SFSWAP: variants seen among roughly 807,000 people sequenced by gnomAD.
The protein encoded by SFSWAP is splicing factor SWAP.
In SFSWAP, 17 loss-of-function variants were observed where a neutral mutation model predicts 100.7. The observed-to-expected ratio is 0.17, with a 90% confidence interval of 0.12 to 0.25. SFSWAP has a LOEUF of 0.25. Ranked by LOEUF, SFSWAP falls within the 10% of genes least tolerant of loss-of-function variation. SFSWAP has a pLI of 1.00. For missense variants in SFSWAP, 1,005 were observed against 1,262.6 expected (o/e 0.80, Z 3.09); for synonymous variants, 504 against 510.1 (o/e 0.99, Z 0.16).
At chr12:131,727,206 G>A (rs190616740) in intron 6 of SFSWAP, among the ~76,000 whole-genome samples, 154 bp downstream of exon 6, 1 of 152,202 alleles carries the variant, frequency 6.6e-6, no homozygotes, top group East Asian at 1.9e-4. Flanking sequence ...TTTTAGCTGG[G>A]TGACAAAGCA....
intron 3 of SFSWAP, among the ~76,000 whole-genome samples, chr12:131,715,232 C>T (rs1468866395): frequency 6.6e-6 from 1 of 152,154 alleles, no homozygotes; most frequent in Non-Finnish European, 1.5e-5. Context: ...AGATTGGTAA[C>T]ATGTTCATTA....
chr12:131,742,212 C>T (rs1880708618), intron 7 of SFSWAP, among the ~76,000 whole-genome samples: 1 of 152,194 alleles, frequency 6.6e-6, no homozygotes, highest in South Asian at 2.1e-4. Context: ...TCAGGATCCC[C>T]ACGGCAGGTC....
At chr12:131,748,483 T>C (rs548160258) in intron 7 of SFSWAP, among the ~76,000 whole-genome samples, 16 of 152,256 alleles carry the variant, frequency 1.1e-4, no homozygotes, top group African/African-American at 3.6e-4. Flanking sequence ...AATATACACA[T>C]TGTTCATCCT....
At chr12:131,791,773 C>G (rs903443120) in intron 15 of SFSWAP, among the ~76,000 whole-genome samples, 1 of 152,226 alleles carries the variant, frequency 6.6e-6, no homozygotes, top group Non-Finnish European at 1.5e-5. Context: ...AAGGGATACT[C>G]TTTTTTAAAA....
intron 8 of SFSWAP, 192 bp downstream of exon 8, chr12:131,753,555 T>C (rs1218111002): frequency 7.2e-5 from 54 of 747,600 alleles, no homozygotes; most frequent in Non-Finnish European, 1.0e-4. Flanking sequence ...GCACAAACTT[T>C]TTAGCATTGA....
chr12:131,797,047 T>C, intron 15 of SFSWAP, 131 bp from the exon 16 acceptor site: 1 of 728,972 alleles, frequency 1.4e-6, no homozygotes, highest in South Asian at 1.7e-5. Flanking sequence ...TTAATGGGTT[T>C]GGAGTGGTTC....
chr12:131,764,209 C>A (rs1234057679), intron 11 of SFSWAP, among the ~76,000 whole-genome samples: 3 of 152,202 alleles, frequency 2.0e-5, no homozygotes, highest in Non-Finnish European at 4.4e-5. Context: ...TGTGCCCTTG[C>A]CATGAAGTCC....
Position 131,769,448 on chromosome 12 carries a change from T to C in SFSWAP, c.2142+3140T>C, listed in dbSNP as rs562393320. The stretch of plus-strand genomic sequence containing the variant: ...ACCAGTTACATTACATGACTATACG[T>C]GTATGTCGTCATAAAATTTCCAGTG... On this transcript the variant is annotated intron_variant, in intron 13 of 17. Transcript: ENST00000261674. Among the ~76,000 whole-genome samples the C allele has an allele frequency of 7.9e-5, 12 of 152,282 alleles. No individual in the cohort carries two copies. The South Asian group carries it at 2.5e-3, about 32-fold the overall frequency.
intron 15 of SFSWAP, 139 bp downstream of exon 15, chr12:131,786,727 C>T: frequency 2.4e-6 from 2 of 849,520 alleles, no homozygotes; most frequent in Non-Finnish European, 3.6e-6. Context: ...CACCCCCCCA[C>T]CCCCAGTGGC....
intron 7 of SFSWAP, among the ~76,000 whole-genome samples, chr12:131,738,882 A>ATTATTTTTTTTTTT (rs1555243205): frequency 5.0e-5 from 2 of 40,218 alleles, no homozygotes; most frequent in East Asian, 9.7e-4. Context: ...AATGAACATT[A>ATTATTTTTTTTTTT]TTCTTTTTTT....
rs1422090612 is a variant in SFSWAP at position 131,749,602 on chromosome 12, T to C, written c.1082-3521T>C. 2.6e-5 allele frequency among the ~76,000 whole-genome samples: 4 copies of C among 152,346 alleles called. No individual in the cohort carries two copies. In the South Asian group the frequency reaches 8.3e-4, roughly 32 times the overall value. ...TCCAGTTAAAGGGTTCTGTGAGCTG[T>C]ATGGTGCCACCATTGTGTGCGGCAC... On this transcript the variant is annotated intron_variant, in intron 7 of 17. Transcript: ENST00000261674.
chr12:131,751,818 C>T (rs547755999), intron 7 of SFSWAP, among the ~76,000 whole-genome samples: 10 of 152,360 alleles, frequency 6.6e-5, no homozygotes, highest in Non-Finnish European at 1.2e-4. Flanking sequence ...CATTGACATC[C>T]AAGGGTCTCA....
chr12:131,756,920 TC>T, intron 11 of SFSWAP: 2 of 349,058 alleles, frequency 5.7e-6, no homozygotes, highest in Non-Finnish European at 1.0e-5. Flanking sequence ...TTTCAAATAA[TC>T]CTTTGTACTC....
chr12:131,774,461 C>G (rs918663363), intron 13 of SFSWAP, among the ~76,000 whole-genome samples: 6 of 152,166 alleles, frequency 3.9e-5, no homozygotes, highest in African/African-American at 1.4e-4. Flanking sequence ...CGGCGGTAAG[C>G]TGTTAATGCT....
chr12:131,754,346 C>A, intron 8 of SFSWAP, 22 bp from the exon 9 acceptor site: 1 of 1,507,810 alleles, frequency 6.6e-7, no homozygotes, highest in South Asian at 1.3e-5. Flanking sequence ...GCCCAGGGGT[C>A]TCACAGACTC....
At chr12:131,737,449 G>C (rs1392729536) in intron 7 of SFSWAP, among the ~76,000 whole-genome samples, 1 of 152,190 alleles carries the variant, frequency 6.6e-6, no homozygotes, top group African/African-American at 2.4e-5. Context: ...GCAGATTGAC[G>C]TGGTACTTAT....
At chr12:131,755,598 T>G (rs1882083148) in intron 10 of SFSWAP, 119 bp downstream of exon 10, 1 of 679,384 alleles carries the variant, frequency 1.5e-6, no homozygotes, top group African/African-American at 1.8e-5. Flanking sequence ...TCTTCACCTT[T>G]TTTTAATGTG....
intron 3 of SFSWAP, among the ~76,000 whole-genome samples, chr12:131,716,868 T>C (rs1249201147): frequency 1.3e-5 from 2 of 152,198 alleles, no homozygotes; most frequent in Admixed American, 1.3e-4. Flanking sequence ...GTTATAATTA[T>C]TGAATCTTGA....
intron 14 of SFSWAP, chr12:131,785,064 G>C: frequency 1.3e-6 from 2 of 1,532,118 alleles, no homozygotes; most frequent in South Asian, 2.4e-5. Context: ...GTGTGCCTCC[G>C]TGTCACAGAG....
Sources: gnomAD v4.1 joint callset for allele counts (sites outside exome capture counted in the v4.1 genomes callset) on GRCh38, gnomAD v4.1.1 for gene constraint, MANE v1.5 for transcripts, NCBI Gene and HGNC (gene_info 2026-07-23, HGNC 2026-07-21) for gene names.